BLTP1: variants seen among roughly 807,000 people sequenced by gnomAD.
BLTP1 encodes the protein fragile site-associated protein.
the BLTP1 span, among the ~76,000 whole-genome samples, chr4:122,228,453 T>C: frequency 3.3e-5 from 5 of 152,162 alleles, no homozygotes; most frequent in Non-Finnish European, 7.4e-5. Context: ...TTTGTTTAGG[T>C]CTATTTTTGT....
the BLTP1 span, chr4:122,362,190 C>T: frequency 6.8e-6 from 11 of 1,612,912 alleles, no homozygotes; most frequent in East Asian, 4.5e-5. Context: ...TCAAAAAGCT[C>T]GGTACTGCAC....
the BLTP1 span, chr4:122,211,211 A>G: frequency 1.1e-6 from 1 of 901,330 alleles, no homozygotes; most frequent in Admixed American, 2.7e-5. Flanking sequence ...TGTTGAGGAT[A>G]TACCAGATAT....
chr4:122,349,340 CTAACATATCCTTAAGATATATATA>C, the BLTP1 span: 1 of 1,600,990 alleles, frequency 6.2e-7, no homozygotes, highest in Non-Finnish European at 8.5e-7. This position sits in a 1 kb window ranked among gnomAD's most constrained non-coding sequence, Gnocchi z 4.5. Flanking sequence ...TAAAACTGAC[CTAACATATCCTTAAGATATATATA>C]TCAAAAAAAA....
At chr4:122,209,719 C>A in the BLTP1 span, 3 of 1,435,238 alleles carry the variant, frequency 2.1e-6, no homozygotes, top group South Asian at 4.1e-5. Context: ...ATTCTTCTTT[C>A]AAAAAATAAT....
chr4:122,238,000 AAT>A, the BLTP1 span: 1 of 1,358,562 alleles, frequency 7.4e-7, no homozygotes, highest in Non-Finnish European at 9.8e-7. Flanking sequence ...AAAAAAAAAA[AAT>A]TATACTTAAA....
At chr4:122,313,801 A>G in the BLTP1 span, 6 of 562,344 alleles carry the variant, frequency 1.1e-5, no homozygotes, top group South Asian at 2.2e-4. Context: ...AAAAAAAACT[A>G]TTTTGTATTA....
At chr4:122,215,676 T>G in the BLTP1 span, 1 of 574,966 alleles carries the variant, frequency 1.7e-6, no homozygotes, top group Admixed American at 6.4e-5. Flanking sequence ...TTGAACATCT[T>G]TAAGTTTTGT....
the BLTP1 span, chr4:122,355,759 TTTTAA>T: frequency 8.4e-6 from 13 of 1,553,696 alleles, no homozygotes; most frequent in Non-Finnish European, 1.0e-5. Flanking sequence ...ATGCCTATTG[TTTTAA>T]TTTGACTCTC....
the BLTP1 span, among the ~76,000 whole-genome samples, chr4:122,286,182 C>T: frequency 1.3e-5 from 2 of 152,120 alleles, no homozygotes; most frequent in African/African-American, 4.8e-5. Context: ...ACTGTGTGGA[C>T]TGGGGAAATT....
At chr4:122,316,726 T>A in the BLTP1 span, 1 of 1,602,734 alleles carries the variant, frequency 6.2e-7, no homozygotes, top group Non-Finnish European at 8.5e-7. Flanking sequence ...ACTTTTGACT[T>A]TTCAGGAAGC....
At chr4:122,313,586 G>T in the BLTP1 span, 1 of 1,521,038 alleles carries the variant, frequency 6.6e-7, no homozygotes, top group Non-Finnish European at 9.0e-7. Flanking sequence ...AGTCACAAAT[G>T]TATTTTTATT....
chr4:122,272,810 G>A, the BLTP1 span, among the ~76,000 whole-genome samples: 18 of 152,002 alleles, frequency 1.2e-4, no homozygotes, highest in African/African-American at 4.3e-4. Flanking sequence ...AGTCCCTTTA[G>A]TTGATATAAA....
At chr4:122,180,240 T>A in the BLTP1 span, 1 of 921,282 alleles carries the variant, frequency 1.1e-6, no homozygotes, top group African/African-American at 1.8e-5. Flanking sequence ...CTGAGCCTCA[T>A]TTTTTTCATC....
chr4:122,331,645 T>C, the BLTP1 span: 1 of 1,455,742 alleles, frequency 6.9e-7, no homozygotes, highest in Non-Finnish European at 9.0e-7. Context: ...AATGCAGATT[T>C]GAAGTGTAAA....
chr4:122,200,924 A>G, the BLTP1 span: 1 of 1,517,318 alleles, frequency 6.6e-7, no homozygotes, highest in African/African-American at 1.4e-5. Context: ...ATTACTCACT[A>G]GCGTGTGTAA....
chr4:122,359,201 ACATTGTGCAC>A, the BLTP1 span: 3 of 373,168 alleles, frequency 8.0e-6, no homozygotes, highest in Non-Finnish European at 1.1e-5. Flanking sequence ...ACTAACCTGC[ACATTGTGCAC>A]ATGTACCCTA....
At chr4:122,299,680 A>T in the BLTP1 span, 1 of 362,400 alleles carries the variant, frequency 2.8e-6, no homozygotes, top group Non-Finnish European at 3.8e-6. Flanking sequence ...GACAACAGGG[A>T]TGGGAAGAGG....
the BLTP1 span, chr4:122,276,990 T>C: frequency 2.0e-6 from 2 of 983,422 alleles, no homozygotes; most frequent in Non-Finnish European, 2.4e-6. Context: ...TTATGTAAAC[T>C]GGCCTGTAAT....
At chr4:122,317,229 G>C in the BLTP1 span, among the ~76,000 whole-genome samples, 5 of 152,024 alleles carry the variant, frequency 3.3e-5, no homozygotes. Flanking sequence ...CTACTCGGGA[G>C]GCTGAGGCAG....
Sources: gnomAD v4.1 joint callset for allele counts (sites outside exome capture counted in the v4.1 genomes callset) on GRCh38, gnomAD v4.1.1 for gene constraint, Gnocchi (gnomAD v3.1) non-coding constraint, MANE v1.5 for transcripts, NCBI Gene and HGNC (gene_info 2026-07-23, HGNC 2026-07-21) for gene names.